The following CDK16 variants were observed in gnomAD, a reference collection of about 807,000 sequenced individuals.
The protein encoded by CDK16 is cyclin dependent kinase 16.
In CDK16, 2 loss-of-function variants were observed where a neutral mutation model predicts 41.6. The observed-to-expected ratio is 0.05, with a 90% CI of 0.02 to 0.15. CDK16 has a LOEUF of 0.15. Ranked by LOEUF, CDK16 falls within the 10% of genes least tolerant of loss-of-function variation. The pLI is 1.00. For missense variants in CDK16, 228 were observed against 428.9 expected (o/e 0.53, Z 4.14); for synonymous variants, 169 against 169.7 (o/e 1.00, Z 0.03).
intron 1 of CDK16, among the ~76,000 whole-genome samples, chrX:47,220,871 G>A (rs140033095): frequency 5.4e-5 from 6 of 111,117 alleles, no homozygotes; most frequent in African/African-American, 2.0e-4. Flanking sequence ...CCAAGTGCAT[G>A]TTAATAGAGG....
Position 47,227,102 on chromosome X carries a change from G to A in CDK16, c.1241+3G>A. On this transcript the variant is annotated splice_donor_region_variant and intron_variant, in intron 12 of 15. Coordinates refer to ENST00000357227, the MANE Select transcript of CDK16 (RefSeq NM_006201.5). ...GCCCTTTTGAGCCACGCACCCCGGT[G>A]AGGCTGGTGGGTGGGTGGGCGTTAG... The A allele has an allele frequency of 8.3e-7, 1 of 1,209,867 alleles. No individual in the cohort carries two copies. Among genetic ancestry groups the A allele is most frequent in the Non-Finnish European group, 1.1e-6 (1 of 893,582 alleles).
rs767712961 is a variant in CDK16, at chrX:47,223,722, A to G, written c.165A>G (p.Glu55=). Residue 55 remains glutamate, a synonymous_variant, in exon 2 of 16, where the codon GAA becomes GAG. Transcript: ENST00000357227. The part of the protein sequence containing the change: ...GEAPTRAAPG[E]LRSARGPLSS... Reference sequence around the variant, plus strand: ...CCCCCACACGTGCTGCTCCTGGGGAACTTCGTTCTGCACGGGGCCCACTCA... The same window carrying G: ...CCCCCACACGTGCTGCTCCTGGGGAGCTTCGTTCTGCACGGGGCCCACTCA... 5 of 1,206,667 alleles carry G rather than the reference A, an allele frequency of 4.1e-6. No individual in the cohort carries two copies. In the African/African-American group the frequency reaches 7.1e-5, roughly 17 times the overall value.
rs969370188 is a variant in CDK16 at position 47,229,665 on chromosome X, G to A, written c.*897G>A. On this transcript the variant is annotated 3_prime_UTR_variant, in exon 16 of 16. Transcript: ENST00000357227. ...CAGTCCCCTTGCTCCCATCCCACTC[G>A]GTGCTGTTGGGTAGGGGCCCTGCCA... The A allele has an allele frequency of 2.2e-5, 4 of 177,971 alleles. No individual in the cohort carries two copies. Among genetic ancestry groups the A allele is most frequent in the East Asian group, 1.8e-4 (1 of 5,578 alleles). 14.7% of individuals were successfully genotyped at this position (177,971 alleles called of 1,213,427 possible).
At chrX:47,223,321 G>A (rs1331923997) in intron 1 of CDK16, 18 of 1,149,653 alleles carry the variant, frequency 1.6e-5, no homozygotes, top group Middle Eastern at 4.7e-4. Context: ...GGTGGGCTAC[G>A]TAGGAGCAGG....
At position 47,218,692 on chromosome X, in the gene CDK16, T is replaced by G; in HGVS notation, c.-420T>G. On this transcript the variant is annotated 5_prime_UTR_variant, in exon 1 of 16. Coordinates refer to ENST00000357227, the MANE Select transcript of CDK16 (RefSeq NM_006201.5). Reference sequence around the variant, plus strand: ...GAGTCCCCTCCTTTCCACTTCACCCTTCCGAGCGCCTGCGTGCGCATGCGC... The same window carrying G: ...GAGTCCCCTCCTTTCCACTTCACCCGTCCGAGCGCCTGCGTGCGCATGCGC... 8.6e-7 allele frequency: 1 copy of G among 1,166,144 alleles called. No individual in the cohort carries two copies. Among genetic ancestry groups the G allele is most frequent in the Non-Finnish European group, 1.1e-6 (1 of 872,446 alleles).
Position 47,227,368 on chromosome X carries a change from C to A in CDK16, c.1285-11C>A, listed in dbSNP as rs1240810233. Reference sequence around the variant, plus strand: ...TATCAATACTATCCCCCTCCCCGCACCCCCACTCAGTTTGAGGGTCGAAAT... The same window carrying A: ...TATCAATACTATCCCCCTCCCCGCAACCCCACTCAGTTTGAGGGTCGAAAT... On this transcript the variant is annotated splice_polypyrimidine_tract_variant and intron_variant, in intron 13 of 15. Transcript: ENST00000357227. The A allele has an allele frequency of 8.4e-7, 1 of 1,196,618 alleles. No individual in the cohort carries two copies. Among genetic ancestry groups the A allele is most frequent in the South Asian group, 1.8e-5 (1 of 56,082 alleles).
Position 47,229,082 on chromosome X carries a change from T to G in CDK16, c.*314T>G. 2.7e-6 allele frequency: 1 copy of G among 375,548 alleles called. No individual in the cohort carries two copies. The allele number at this position is 375,548 out of a possible 1,213,427, so 30.9% of individuals were successfully genotyped here. On this transcript the variant is annotated 3_prime_UTR_variant, in exon 16 of 16. Transcript: ENST00000357227. The stretch of plus-strand genomic sequence containing the variant: ...CTGAGGCCAGGTCTACCCCCCATCA[T>G]ACCAGCCCCCAGGACCACTACCCCA...
At chrX:47,223,111 C>T (rs1177667066) in intron 1 of CDK16, 11 of 1,154,519 alleles carry the variant, frequency 9.5e-6, no homozygotes, top group Non-Finnish European at 1.0e-5. Flanking sequence ...ACTCTATGGC[C>T]GTGCTCGAGA....
intron 6 of CDK16, among the ~76,000 whole-genome samples, 176 bp from the exon 7 acceptor site, chrX:47,225,596 A>T (rs1937528308): frequency 9.0e-6 from 1 of 111,276 alleles, no homozygotes; most frequent in Admixed American, 9.5e-5. Flanking sequence ...CAACATGGAG[A>T]CACAACTTTC....
At position 47,221,191 on chromosome X, in the gene CDK16, G is replaced by A. The variant is rs763010715; in HGVS notation, c.-7+2086G>A. On this transcript the variant is annotated intron_variant, in intron 1 of 15. Coordinates refer to ENST00000357227, the MANE Select transcript of CDK16 (RefSeq NM_006201.5). Reference sequence around the variant, plus strand: ...TGGTTGGTGTGTTGAGTATCCTTGAGTATGAGAGTAGTCTGAGGATGGGTG... The same window carrying A: ...TGGTTGGTGTGTTGAGTATCCTTGAATATGAGAGTAGTCTGAGGATGGGTG... Among the ~76,000 whole-genome samples, 6 of 111,303 alleles carry A rather than the reference G, an allele frequency of 5.4e-5. No individual in the cohort carries two copies. The Admixed American group carries it at 5.7e-4, about 11-fold the overall frequency.
At chrX:47,222,895 G>T in intron 1 of CDK16, 1 of 223,415 alleles carries the variant, frequency 4.5e-6, no homozygotes, top group Non-Finnish European at 7.2e-6. Flanking sequence ...AGACCCCCCC[G>T]CCCTCCACAC....
intron 6 of CDK16, among the ~76,000 whole-genome samples, chrX:47,225,458 AG>A (rs941959699): frequency 3.6e-5 from 4 of 111,978 alleles, no homozygotes; most frequent in African/African-American, 1.3e-4. Context: ...CTATGTACTG[AG>A]GGTTGGAGCC....
intron 1 of CDK16, among the ~76,000 whole-genome samples, chrX:47,221,425 T>C (rs1262516188): frequency 8.9e-6 from 1 of 111,809 alleles, no homozygotes; most frequent in African/African-American, 3.3e-5. Context: ...TCTGGGAGTG[T>C]TATGTGATAT....
In CDK16 at chrX:47,226,310, C is replaced by T. The variant is rs959708302; in HGVS notation, c.824C>T (p.Ala275Val). Residue 275 changes from alanine to valine, a missense_variant, in exon 9 of 16, where the codon GCC becomes GTC. Around this residue, in one of 3 missense-constraint regions of CDK16, gnomAD observed 66 missense variants for 197.2 expected, o/e 0.33. Transcript: ENST00000357227. Reference sequence around the variant, plus strand: ...CTGTTCCAGCTGCTCCGTGGCCTGGCCTACTGCCACCGGCAGAAGGTGCTA... The same window carrying T: ...CTGTTCCAGCTGCTCCGTGGCCTGGTCTACTGCCACCGGCAGAAGGTGCTA... ...LFLFQLLRGLAYCHRQKVLHR... is the reference protein window; with the variant it reads ...LFLFQLLRGLVYCHRQKVLHR... The T allele has an allele frequency of 8.3e-7, 1 of 1,208,366 alleles. No homozygotes were observed. Among genetic ancestry groups the T allele is most frequent in the African/African-American group, 1.8e-5 (1 of 56,754 alleles).
In CDK16 at chrX:47,223,516, A is replaced by G. The variant is rs1937438124; in HGVS notation, c.-6-36A>G. On this transcript the variant is annotated intron_variant, in intron 1 of 15. Coordinates refer to ENST00000357227, the MANE Select transcript of CDK16 (RefSeq NM_006201.5). The stretch of plus-strand genomic sequence containing the variant: ...ACCCATGGTGATCAAGCAAATGCTA[A>G]TAAGAGACCCATTTCCATCCTTGTC... 3 of 1,175,871 alleles carry G rather than the reference A, an allele frequency of 2.6e-6. No individual in the cohort carries two copies. In the African/African-American group the frequency reaches 5.3e-5, roughly 21 times the overall value.
In CDK16 at chrX:47,228,620, C is replaced by T; in HGVS notation, c.1429C>T (p.Arg477Trp). ...TCAGCTACAAAAGGAGGCCAGCCTT[C>T]GGTCTTCGTCGATGCCTGACTCAGG... is the stretch of plus-strand genomic sequence containing the variant. ...EIQLQKEASL[R>W]SSSMPDSGRP... Residue 477 changes from arginine (R) to tryptophan (W), a missense_variant, in exon 15 of 16, where the codon CGG (arginine) becomes TGG (tryptophan). By Grantham distance (101) the Arg-to-Trp change is moderately radical. This residue lies in a region of CDK16 where 91 missense variants were observed against 129.5 expected (regional missense o/e 0.70). Coordinates refer to ENST00000357227, the MANE Select transcript of CDK16 (RefSeq NM_006201.5). 8 of 1,210,762 alleles carry T rather than the reference C, an allele frequency of 6.6e-6. No individual in the cohort carries two copies. The highest frequency in any genetic ancestry group is 1.8e-5 in the South Asian group (1 of 56,963).
At position 47,227,465 on chromosome X, in the gene CDK16, T is replaced by C. The variant is rs773244277; in HGVS notation, c.1371T>C (p.Pro457=). 2 of 1,188,015 alleles carry C rather than the reference T, an allele frequency of 1.7e-6. No individual in the cohort carries two copies. The highest frequency in any genetic ancestry group is 3.6e-5 in the South Asian group (2 of 56,080). ...TGGGGGAGCGGATCCACAAACTTCC[T>C]GACAGTGAGTGGAGCTGGGGAATGG... The part of the protein sequence containing the change: ...LSLGERIHKL[P]DTTSIFALKE... Residue 457 remains proline (P), a synonymous_variant, in exon 14 of 16, where the codon CCT becomes CCC. Coordinates refer to ENST00000357227, the MANE Select transcript of CDK16 (RefSeq NM_006201.5).
At chrX:47,226,457 C>T (rs1261099121) in intron 9 of CDK16, 55 bp downstream of exon 9, 1 of 1,198,393 alleles carries the variant, frequency 8.3e-7, no homozygotes, top group Non-Finnish European at 1.1e-6. Flanking sequence ...TTTCCCATGA[C>T]CACTTAGTCT....
rs1264025158 is a variant in CDK16 at position 47,225,080 on chromosome X, A to G, written c.612A>G (p.Ala204=). 8.3e-7 allele frequency: 1 copy of G among 1,200,278 alleles called. No homozygotes were observed. Among genetic ancestry groups the G allele is most frequent in the East Asian group, 3.0e-5 (1 of 33,395 alleles). Residue 204 remains alanine, a synonymous_variant, in exon 6 of 16, where the codon GCA becomes GCG. Transcript: ENST00000357227. ...KEIRLEHEEG[A]PCTAIREVSL... ...TCAGACTGGAACATGAAGAGGGGGC[A>G]CCCTGCACCGCCATCCGGGAAGGTA...
Sources: gnomAD v4.1 joint callset for allele counts (sites outside exome capture counted in the v4.1 genomes callset) on GRCh38, gnomAD v4.1.1 for gene constraint, gnomAD v4.1.1 regional missense constraint, MANE v1.5 for transcripts, NCBI Gene and HGNC (gene_info 2026-07-23, HGNC 2026-07-21) for gene names.